Variants in BRINP3 observed in about 807,000 individuals in gnomAD.
The protein encoded by BRINP3 is BMP/retinoic acid inducible neural specific 3.
A neutral mutation model predicts 71.0 loss-of-function variants in BRINP3; 19 were observed. The ratio of observed to expected loss-of-function variants is 0.27; its 90% CI spans 0.19 to 0.39. The LOEUF is 0.39. Among genes scored for constraint, BRINP3 ranks in the 10% least tolerant of loss-of-function variants. The pLI is 1.00. For missense variants in BRINP3, 959 were observed against 940.8 expected, an observed-to-expected ratio of 1.02 and a Z score of -0.25; for synonymous variants, 380 against 337.7, an observed-to-expected ratio of 1.13 and a Z score of -1.37.
chr1:190,224,386 A>G (rs1401622076), intron 6 of BRINP3, among the ~76,000 whole-genome samples: 1 of 151,872 alleles, frequency 6.6e-6, no homozygotes, highest in Non-Finnish European at 1.5e-5. Flanking sequence ...CGTTGGGGAA[A>G]AGAAAATCTT....
intron 7 of BRINP3, among the ~76,000 whole-genome samples, chr1:190,151,879 A>C (rs995298470): frequency 6.6e-6 from 1 of 152,294 alleles, no homozygotes; most frequent in Non-Finnish European, 1.5e-5. Flanking sequence ...GCCTAAAATC[A>C]AAAAACTGGA....
intron 2 of BRINP3, among the ~76,000 whole-genome samples, chr1:190,286,590 A>T (rs764402664): frequency 1.3e-5 from 2 of 152,168 alleles, no homozygotes; most frequent in Non-Finnish European, 2.9e-5. Flanking sequence ...ATTTACCTTT[A>T]ACTGTTAATT....
At chr1:190,460,976 G>T (rs1373653677) in intron 1 of BRINP3, among the ~76,000 whole-genome samples, 1 of 151,992 alleles carries the variant, frequency 6.6e-6, no homozygotes, top group Non-Finnish European at 1.5e-5. Context: ...ATGTATTACT[G>T]CAATAGCTTC....
At chr1:190,228,826 A>C (rs1330861089) in intron 5 of BRINP3, among the ~76,000 whole-genome samples, 1 of 151,840 alleles carries the variant, frequency 6.6e-6, no homozygotes, top group Non-Finnish European at 1.5e-5. Context: ...ACAGGAAAGC[A>C]GGAATACTGA....
At chr1:190,110,910 T>G (rs1345181359) in intron 7 of BRINP3, among the ~76,000 whole-genome samples, 1 of 152,120 alleles carries the variant, frequency 6.6e-6, no homozygotes, top group Non-Finnish European at 1.5e-5. Flanking sequence ...GTCAAAAAAC[T>G]ATCATGAACC....
At position 190,226,168 on chromosome 1, in the gene BRINP3, G is replaced by T. The variant is rs1179211324; in HGVS notation, c.875C>A (p.Pro292His). 1 of 1,612,350 alleles carries T rather than the reference G, an allele frequency of 6.2e-7. No individual in the cohort carries two copies. Among genetic ancestry groups the T allele is most frequent in the East Asian group, 2.2e-5 (1 of 44,816 alleles). ...CGPKFPECNC[P>H]SMDIQAMEEN... ...TTCCATGGCTTGAATGTCCATGGAG[G>T]GGCAGTTGCATTCTGGAAATTTGGG... Residue 292 changes from proline to histidine, a missense_variant, in exon 6 of 8, where the codon CCC (proline) becomes CAC (histidine). Transcript: ENST00000367462.
At chr1:190,430,060 A>G (rs1673993536) in intron 2 of BRINP3, among the ~76,000 whole-genome samples, 1 of 152,188 alleles carries the variant, frequency 6.6e-6, no homozygotes, top group Admixed American at 6.5e-5. Flanking sequence ...AGGTTAGGAC[A>G]CGTCTAAGAA....
intron 6 of BRINP3, among the ~76,000 whole-genome samples, chr1:190,185,928 C>G (rs1653475494): frequency 6.6e-6 from 1 of 151,858 alleles, no homozygotes; most frequent in Non-Finnish European, 1.5e-5. Context: ...CTGAATGTTC[C>G]CAACAAAAAG....
At chr1:190,381,584 C>T (rs1437887761) in intron 2 of BRINP3, among the ~76,000 whole-genome samples, 4 of 152,054 alleles carry the variant, frequency 2.6e-5, no homozygotes, top group African/African-American at 7.2e-5. Flanking sequence ...ATCTCAATGA[C>T]CTTAAGTTTT....
intron 6 of BRINP3, among the ~76,000 whole-genome samples, chr1:190,181,761 T>G (rs1935874): frequency 0.53 from 80,208 of 151,712 alleles, 22,525 homozygotes; most frequent in African/African-American, 0.74. Context: ...TATAATGTTT[T>G]CTTTGGCCAC....
intron 6 of BRINP3, among the ~76,000 whole-genome samples, chr1:190,175,510 T>C (rs1210101519): frequency 6.6e-6 from 1 of 152,174 alleles, no homozygotes; most frequent in African/African-American, 2.4e-5. Context: ...CCAGGAATGT[T>C]GTGTTTATTT....
intron 7 of BRINP3, among the ~76,000 whole-genome samples, chr1:190,143,821 G>A (rs896376808): frequency 1.3e-5 from 2 of 152,150 alleles, no homozygotes; most frequent in Non-Finnish European, 1.5e-5. Context: ...TTTATCAAAT[G>A]CTAACTGAAC....
intron 1 of BRINP3, among the ~76,000 whole-genome samples, chr1:190,476,361 G>C (rs1328626190): frequency 6.6e-6 from 1 of 152,036 alleles, no homozygotes; most frequent in Non-Finnish European, 1.5e-5. Context: ...ATTTGAGGGC[G>C]GGGGGCGGAT....
intron 6 of BRINP3, among the ~76,000 whole-genome samples, chr1:190,207,462 AC>A (rs1391059844): frequency 2.6e-5 from 4 of 152,086 alleles, no homozygotes; most frequent in Non-Finnish European, 2.9e-5. Flanking sequence ...TAAATGAAGT[AC>A]TGATTTTTGC....
At chr1:190,285,261 C>G (rs1663330419) in intron 2 of BRINP3, among the ~76,000 whole-genome samples, 1 of 151,990 alleles carries the variant, frequency 6.6e-6, no homozygotes, top group African/African-American at 2.4e-5. Context: ...GTCCCTTTTT[C>G]CCGAATACAA....
At chr1:190,426,840 T>G (rs1403362406) in intron 2 of BRINP3, among the ~76,000 whole-genome samples, 1 of 151,908 alleles carries the variant, frequency 6.6e-6, no homozygotes, top group Non-Finnish European at 1.5e-5. Flanking sequence ...GGAACATTAT[T>G]TTGTAAGCAA....
intron 7 of BRINP3, among the ~76,000 whole-genome samples, chr1:190,156,477 A>C (rs1656871244): frequency 6.6e-6 from 1 of 151,980 alleles, no homozygotes. Flanking sequence ...TTCAGTTTAC[A>C]TTCTACCATA....
intron 4 of BRINP3, among the ~76,000 whole-genome samples, chr1:190,261,833 AT>A (rs1299695106): frequency 6.6e-6 from 1 of 152,156 alleles, no homozygotes; most frequent in Non-Finnish European, 1.5e-5. Context: ...ACCTTTAGGT[AT>A]TTAGTAAAGG....
intron 2 of BRINP3, among the ~76,000 whole-genome samples, chr1:190,415,874 G>A (rs1298990007): frequency 1.3e-5 from 2 of 152,122 alleles, no homozygotes; most frequent in Non-Finnish European, 2.9e-5. Flanking sequence ...ACCACTGTCC[G>A]CCAAGCTGGG....
Sources: allele counts gnomAD v4.1 joint callset (sites outside exome capture counted in the v4.1 genomes callset), GRCh38; gene constraint gnomAD v4.1.1; transcripts MANE v1.5; gene names NCBI Gene and HGNC (gene_info 2026-07-23, HGNC 2026-07-21).